KSR2: variants seen among roughly 807,000 people sequenced by gnomAD.
The protein encoded by KSR2 is kinase suppressor of ras 2.
In KSR2, 25 loss-of-function variants were observed where a neutral mutation model predicts 107.8. The ratio of observed to expected loss-of-function variants is 0.23; its 90% CI spans 0.17 to 0.32. The LOEUF (loss-of-function observed/expected upper bound fraction) is 0.32, where lower values mean the gene tolerates loss of function less well. KSR2 is among the 10% of genes least tolerant of loss of function. KSR2 has a pLI of 1.00. For missense variants in KSR2, 887 were observed against 1,268.9 expected (o/e 0.70, Z 4.57); for synonymous variants, 480 against 507.0 (o/e 0.95, Z 0.71).
chr12:117,745,428 T>A lies in KSR2; in HGVS notation c.986+15583A>T, dbSNP rs137856616. Among the ~76,000 whole-genome samples the A allele has an allele frequency of 9.7e-3, 1,471 of 152,218 alleles. 26 individuals carry two copies. Among genetic ancestry groups the A allele is most frequent in the African/African-American group, 0.033 (1,372 of 41,532 alleles). The stretch of plus-strand genomic sequence containing the variant: ...ATGACTTATGGAGTAGGAGAAAATA[T>A]TTGCAAGTCATACATCTGATAAGAG... On this transcript the variant is annotated intron_variant, in intron 4 of 19. Transcript: ENST00000339824.
intron 14 of KSR2, among the ~76,000 whole-genome samples, chr12:117,522,371 G>A (rs776725473): frequency 3.9e-5 from 6 of 152,180 alleles, no homozygotes; most frequent in Middle Eastern, 3.4e-3. Flanking sequence ...ACAGAAAGAT[G>A]GGATAAGAGC....
At chr12:117,896,633 T>A (rs550135586) in intron 1 of KSR2, among the ~76,000 whole-genome samples, 1 of 152,174 alleles carries the variant, frequency 6.6e-6, no homozygotes, top group East Asian at 1.9e-4. Flanking sequence ...CTAATTTTTG[T>A]ATTTTTAGTA....
chr12:117,547,292 C>G (rs956016000), intron 9 of KSR2, among the ~76,000 whole-genome samples: 3 of 152,164 alleles, frequency 2.0e-5, no homozygotes, highest in African/African-American at 4.8e-5. Flanking sequence ...CCAGCTCCCC[C>G]ATAGACCTTT....
chr12:117,624,646 G>A (rs997233350), intron 5 of KSR2, among the ~76,000 whole-genome samples: 29 of 152,274 alleles, frequency 1.9e-4, no homozygotes, highest in African/African-American at 5.5e-4. Flanking sequence ...GTCAGGTAGC[G>A]TGATGCCTCC....
chr12:117,759,671 C>A (rs1034598770), intron 4 of KSR2, among the ~76,000 whole-genome samples: 1 of 152,196 alleles, frequency 6.6e-6, no homozygotes, highest in South Asian at 2.1e-4. Context: ...TGGCATCCAC[C>A]GTTCTACTTT....
intron 1 of KSR2, among the ~76,000 whole-genome samples, chr12:117,864,442 C>T (rs959540963): frequency 7.2e-5 from 11 of 152,158 alleles, no homozygotes; most frequent in South Asian, 2.1e-4. Flanking sequence ...ACATGCATTG[C>T]GCACACACAC....
At chr12:117,848,746 G>GTGATGGTGATGGCGATGATGGTGGTAA in intron 3 of KSR2, among the ~76,000 whole-genome samples, 2 of 105,270 alleles carry the variant, frequency 1.9e-5, no homozygotes, top group Non-Finnish European at 5.0e-5. Context: ...GAGGAGCCTG[G>GTGATGGTGATGGCGATGATGGTGGTAA]TGATGGTGAT....
At chr12:117,888,870 TG>T (rs1341260179) in intron 1 of KSR2, among the ~76,000 whole-genome samples, 2 of 152,332 alleles carry the variant, frequency 1.3e-5, no homozygotes, top group Non-Finnish European at 2.9e-5. Flanking sequence ...AATTTCATTT[TG>T]GGGTGATGAA....
chr12:117,893,465 A>C (rs923158118), intron 1 of KSR2, among the ~76,000 whole-genome samples: 2 of 152,194 alleles, frequency 1.3e-5, no homozygotes, highest in South Asian at 2.1e-4. Context: ...CGTGAACCTG[A>C]AAGTGTCATA....
chr12:117,850,176 A>G (rs943059682), intron 3 of KSR2, among the ~76,000 whole-genome samples: 10 of 152,236 alleles, frequency 6.6e-5, no homozygotes, highest in Non-Finnish European at 1.0e-4. Context: ...GTGGACATTA[A>G]TAGCAAGCAC....
At chr12:117,844,136 G>A (rs529737425) in intron 3 of KSR2, among the ~76,000 whole-genome samples, 27 of 152,116 alleles carry the variant, frequency 1.8e-4, no homozygotes, top group Admixed American at 1.7e-3. Context: ...TGTGTGTTGT[G>A]AGAAGCTCAT....
At chr12:117,551,944 C>T (rs896106063) in intron 9 of KSR2, among the ~76,000 whole-genome samples, 7 of 152,168 alleles carry the variant, frequency 4.6e-5, no homozygotes, top group Non-Finnish European at 1.0e-4. Context: ...CTCACTGTGC[C>T]TGTAAAGCCA....
At chr12:117,724,465 T>C (rs944382507) in intron 4 of KSR2, among the ~76,000 whole-genome samples, 9 of 152,100 alleles carry the variant, frequency 5.9e-5, no homozygotes, top group East Asian at 3.8e-4. Flanking sequence ...AATGATGCAA[T>C]GGGCAATATA....
At chr12:117,856,809 G>T (rs1383299529) in intron 2 of KSR2, among the ~76,000 whole-genome samples, 1 of 152,102 alleles carries the variant, frequency 6.6e-6, no homozygotes, top group African/African-American at 2.4e-5. Context: ...CTACCCTCTT[G>T]TGGTCATGTT....
At chr12:117,674,471 A>C (rs1885040439) in intron 4 of KSR2, 1 of 449,146 alleles carries the variant, frequency 2.2e-6, no homozygotes, top group South Asian at 1.6e-5. Flanking sequence ...AATGCTCACC[A>C]CTTCAAAAGG....
At chr12:117,869,198 C>T (rs1893574323) in intron 1 of KSR2, among the ~76,000 whole-genome samples, 1 of 152,026 alleles carries the variant, frequency 6.6e-6, no homozygotes, top group Admixed American at 6.5e-5. Flanking sequence ...ATGGTGAAAT[C>T]CCAACTCTAC....
intron 1 of KSR2, among the ~76,000 whole-genome samples, chr12:117,892,787 C>CAAAAAAAAAA (rs35897528): frequency 1.1e-5 from 1 of 87,132 alleles, no homozygotes; most frequent in Non-Finnish European, 2.4e-5. Flanking sequence ...GTGCTATGTG[C>CAAAAAAAAAA]AAAAAAAAAA....
chr12:117,938,121 A>G (rs1208497454), intron 1 of KSR2, among the ~76,000 whole-genome samples: 1 of 151,948 alleles, frequency 6.6e-6, no homozygotes, highest in Non-Finnish European at 1.5e-5. Flanking sequence ...CCTCGTCTCT[A>G]GCTAATGCTG....
intron 4 of KSR2, among the ~76,000 whole-genome samples, chr12:117,740,932 C>A (rs1453512565): frequency 6.6e-6 from 1 of 152,164 alleles, no homozygotes; most frequent in African/African-American, 2.4e-5. Flanking sequence ...GGCAGATCTT[C>A]TTGGGGGAAT....
Sources: gnomAD v4.1 joint callset for allele counts (sites outside exome capture counted in the v4.1 genomes callset) on GRCh38, gnomAD v4.1.1 for gene constraint, MANE v1.5 for transcripts, NCBI Gene and HGNC (gene_info 2026-07-23, HGNC 2026-07-21) for gene names.